Variants in TMEM196 observed in about 807,000 individuals in gnomAD.
TMEM196 encodes transmembrane protein 196.
In TMEM196, 17 loss-of-function variants were observed where a neutral mutation model predicts 20.0. The observed-to-expected ratio is 0.85, with a 90% CI of 0.58 to 1.27. The LOEUF (loss-of-function observed/expected upper bound fraction) is 1.27, where lower values mean the gene tolerates loss of function less well. Among genes scored for constraint, TMEM196 ranks in the 50% most tolerant of loss-of-function variants. The pLI, the probability that TMEM196 is intolerant of heterozygous loss-of-function variation, is 0.00. For missense variants in TMEM196, 267 were observed against 223.0 expected, an observed-to-expected ratio of 1.20 and a Z score of -1.26; for synonymous variants, 113 against 88.9, an observed-to-expected ratio of 1.27 and a Z score of -1.52.
chr7:19,752,163 T>G (rs1205180239), intron 1 of TMEM196, among the ~76,000 whole-genome samples: 1 of 152,234 alleles, frequency 6.6e-6, no homozygotes, highest in Admixed American at 6.5e-5. Context: ...ATGTCTAGTT[T>G]TGGCTCAGCC....
chr7:19,758,451 T>G (rs973231764), intron 1 of TMEM196, among the ~76,000 whole-genome samples: 2 of 152,210 alleles, frequency 1.3e-5, no homozygotes, highest in Non-Finnish European at 2.9e-5. Flanking sequence ...GCATTTTCCT[T>G]TTGGTTGAAA....
intron 3 of TMEM196, 30 bp downstream of exon 3, chr7:19,725,484 A>G (rs1471398267): frequency 6.3e-7 from 1 of 1,586,538 alleles, no homozygotes; most frequent in Non-Finnish European, 8.6e-7. Flanking sequence ...ATCATGTGCT[A>G]GCAGTGAGAG....
intron 1 of TMEM196, among the ~76,000 whole-genome samples, chr7:19,771,080 T>C (rs1785856567): frequency 6.6e-6 from 1 of 152,188 alleles, no homozygotes; most frequent in Admixed American, 6.5e-5. Context: ...AATGAAGTTT[T>C]AAAGCGTTAT....
chr7:19,764,705 C>T (rs370987810), intron 1 of TMEM196, among the ~76,000 whole-genome samples: 3 of 152,140 alleles, frequency 2.0e-5, no homozygotes, highest in African/African-American at 7.2e-5. Flanking sequence ...ATTCATAATT[C>T]AACACTAAGG....
intron 1 of TMEM196, among the ~76,000 whole-genome samples, chr7:19,770,949 G>A (rs533882468): frequency 8.1e-4 from 122 of 151,160 alleles, no homozygotes; most frequent in African/African-American, 1.8e-3. Flanking sequence ...GTTGAATTTC[G>A]TTGGGGGCGG....
chr7:19,736,662 A>AT (rs1784419700), intron 1 of TMEM196, among the ~76,000 whole-genome samples: 1 of 151,606 alleles, frequency 6.6e-6, no homozygotes, highest in Non-Finnish European at 1.5e-5. Context: ...AGACCTATTC[A>AT]TTTTAGGGTT....
At chr7:19,740,766 G>C (rs1278653179) in intron 1 of TMEM196, among the ~76,000 whole-genome samples, 1 of 152,036 alleles carries the variant, frequency 6.6e-6, no homozygotes, top group Non-Finnish European at 1.5e-5. Context: ...TTTGCATGTG[G>C]AATTGAAATG....
intron 1 of TMEM196, among the ~76,000 whole-genome samples, chr7:19,746,075 C>A (rs1482048542): frequency 1.3e-5 from 2 of 152,082 alleles, no homozygotes; most frequent in Non-Finnish European, 2.9e-5. Flanking sequence ...AAGTTCTGTT[C>A]TTTGACCTAC....
chr7:19,729,395 T>A lies in TMEM196; in HGVS notation c.191A>T (p.Lys64Ile). The change falls in exon 2 of 5, where the codon AAA (lysine) becomes ATA (isoleucine). Residue 64 changes from lysine (K) to isoleucine (I), a missense_variant. Coordinates refer to ENST00000405844, the MANE Select transcript of TMEM196 (RefSeq NM_001363562.2). ...GICGILCAKK[K>I]SGLVMILFSA... ...TCAAACACTTACGACAAGTCCTGAT[T>A]TTTTTTTGGCACACAATATTCCACA... is the stretch of plus-strand genomic sequence containing the variant. The A allele has an allele frequency of 6.4e-7, 1 of 1,550,512 alleles. No homozygotes were observed. Among genetic ancestry groups the A allele is most frequent in the Non-Finnish European group, 8.7e-7 (1 of 1,146,630 alleles).
chr7:19,737,665 T>C (rs1299364786), intron 1 of TMEM196, among the ~76,000 whole-genome samples: 1 of 151,956 alleles, frequency 6.6e-6, no homozygotes, highest in African/African-American at 2.4e-5. Flanking sequence ...CTGAGAAGGC[T>C]GTTCACTGTA....
At chr7:19,727,132 T>G (rs1299121211) in intron 2 of TMEM196, among the ~76,000 whole-genome samples, 2 of 152,198 alleles carry the variant, frequency 1.3e-5, no homozygotes, top group African/African-American at 4.8e-5. Context: ...CTGCACTTAT[T>G]GAGCACTTAG....
intron 1 of TMEM196, among the ~76,000 whole-genome samples, chr7:19,740,886 G>C (rs140711523): frequency 2.3e-3 from 343 of 152,276 alleles, no homozygotes; most frequent in African/African-American, 7.9e-3. Context: ...GGAAGATTGA[G>C]GTTGAAGGCT....
chr7:19,729,995 A>G (rs930548683), intron 1 of TMEM196, among the ~76,000 whole-genome samples: 4 of 152,092 alleles, frequency 2.6e-5, no homozygotes, highest in African/African-American at 4.8e-5. Flanking sequence ...GGTGGCTCAC[A>G]CCTGTAATCC....
Position 19,772,759 on chromosome 7 carries a change from C to G in TMEM196, c.-63G>C. 1 of 1,397,934 alleles carries G rather than the reference C, an allele frequency of 7.2e-7. No individual in the cohort carries two copies. The highest frequency in any genetic ancestry group is 9.4e-7 in the Non-Finnish European group (1 of 1,060,132). 86.6% of individuals were successfully genotyped at this position (1,397,934 alleles called of 1,614,324 possible). A position where few individuals can be genotyped will look rare whatever the true frequency, so the allele number is the denominator to read the frequency against. On this transcript the variant is annotated 5_prime_UTR_variant, in exon 1 of 5. Coordinates refer to ENST00000405844, the MANE Select transcript of TMEM196 (RefSeq NM_001363562.2). ...AATCAACCATCTACCTTTTTTTCTT[C>G]CACTATCCTCCTTACCCCTTCCACC...
intron 1 of TMEM196, among the ~76,000 whole-genome samples, chr7:19,763,909 A>C (rs750133629): frequency 6.6e-6 from 1 of 152,176 alleles, no homozygotes; most frequent in African/African-American, 2.4e-5. Context: ...GAGATAATGT[A>C]ACTCAGTCAA....
intron 1 of TMEM196, among the ~76,000 whole-genome samples, chr7:19,745,837 A>T (rs1223100774): frequency 6.6e-6 from 1 of 151,098 alleles, no homozygotes; most frequent in Admixed American, 6.6e-5. Flanking sequence ...GAAATTGTCC[A>T]TTGGCGTATT....
chr7:19,736,704 A>G (rs1442748751), intron 1 of TMEM196, among the ~76,000 whole-genome samples: 3 of 151,620 alleles, frequency 2.0e-5, no homozygotes, highest in South Asian at 2.1e-4. Context: ...CTCCTTAACT[A>G]CTCTCACTGA....
intron 1 of TMEM196, among the ~76,000 whole-genome samples, chr7:19,767,001 A>C (rs1460072810): frequency 1.3e-5 from 2 of 152,122 alleles, no homozygotes; most frequent in Non-Finnish European, 2.9e-5. Flanking sequence ...GCAAACTGTC[A>C]ATTAGTAGGT....
In TMEM196 at chr7:19,759,090, C is replaced by T. The variant is rs1161079205; in HGVS notation, c.147+13460G>A. Among the ~76,000 whole-genome samples the T allele has an allele frequency of 3.9e-5, 6 of 152,142 alleles. No individual in the cohort carries two copies. In the East Asian group the frequency reaches 1.2e-3, roughly 29 times the overall value. On this transcript the variant is annotated intron_variant, in intron 1 of 4. Coordinates refer to ENST00000405844, the MANE Select transcript of TMEM196 (RefSeq NM_001363562.2). The stretch of plus-strand genomic sequence containing the variant: ...CTAAAAACAGAAAACTTCCTTGACT[C>T]CAAAGTCTGTTGCTCTATCTCTACA...
Sources: gnomAD v4.1 joint callset for allele counts (sites outside exome capture counted in the v4.1 genomes callset) on GRCh38, gnomAD v4.1.1 for gene constraint, MANE v1.5 for transcripts, NCBI Gene and HGNC (gene_info 2026-07-23, HGNC 2026-07-21) for gene names.